TMEM272: variants seen among roughly 807,000 people sequenced by gnomAD.
TMEM272 encodes long intergenic non-protein coding RNA 282.
A neutral mutation model predicts 3.7 loss-of-function variants in TMEM272; 8 were observed. The ratio of observed to expected loss-of-function variants is 2.17; its 90% CI spans 1.27 to 3.91. The LOEUF (loss-of-function observed/expected upper bound fraction) is 3.91, where lower values mean the gene tolerates loss of function less well. TMEM272 is among the 30% of genes most tolerant of loss of function. The probability of loss-of-function intolerance (pLI) is 0.00; values close to 1 mark genes in which losing one functional copy is unlikely to be tolerated. For synonymous variants in TMEM272, 63 were observed against 39.8 expected, an observed-to-expected ratio of 1.58 and a Z score of -2.20; for missense variants, 166 against 91.5, an observed-to-expected ratio of 1.81 and a Z score of -3.32.
the TMEM272 span, among the ~76,000 whole-genome samples, chr13:51,927,544 G>A: frequency 2.6e-5 from 4 of 152,166 alleles, no homozygotes; most frequent in African/African-American, 4.8e-5. Context: ...TAAGGCAGGT[G>A]GGCTGAATGA....
At chr13:51,931,062 G>A in the TMEM272 span, among the ~76,000 whole-genome samples, 1 of 152,138 alleles carries the variant, frequency 6.6e-6, no homozygotes, top group African/African-American at 2.4e-5. Flanking sequence ...TTGGAATGCT[G>A]TGATTTATTC....
chr13:51,897,179 G>T, the TMEM272 span, among the ~76,000 whole-genome samples: 3 of 152,198 alleles, frequency 2.0e-5, no homozygotes, highest in African/African-American at 4.8e-5. Context: ...TGAAAGGACT[G>T]CAGGTAAACC....
chr13:51,846,958 C>G (rs994729567), upstream of TMEM272, among the ~76,000 whole-genome samples: 1 of 152,174 alleles, frequency 6.6e-6, no homozygotes. Flanking sequence ...CTTTCACATT[C>G]ACTAATCACT....
At chr13:51,824,385 T>C (rs1956105666) in intron 3 of TMEM272, among the ~76,000 whole-genome samples, 1 of 152,216 alleles carries the variant, frequency 6.6e-6, no homozygotes, top group African/African-American at 2.4e-5. Flanking sequence ...CAACAAAAAT[T>C]GCCATTTTAA....
upstream of TMEM272, among the ~76,000 whole-genome samples, chr13:51,849,279 C>G (rs556785173): frequency 6.6e-6 from 1 of 152,120 alleles, no homozygotes; most frequent in Admixed American, 6.5e-5. Flanking sequence ...ACTCCACTCA[C>G]GTGAGGCACA....
chr13:51,887,883 C>T, the TMEM272 span, among the ~76,000 whole-genome samples: 1 of 152,204 alleles, frequency 6.6e-6, no homozygotes, highest in Non-Finnish European at 1.5e-5. Flanking sequence ...TCCTGCTCTG[C>T]CTTATGCCTA....
chr13:51,831,228 C>G (rs976172748), intron 2 of TMEM272, among the ~76,000 whole-genome samples: 7 of 152,120 alleles, frequency 4.6e-5, no homozygotes, highest in Non-Finnish European at 1.0e-4. Flanking sequence ...TTGAAACCCA[C>G]CTGGGCAACA....
upstream of TMEM272, among the ~76,000 whole-genome samples, chr13:51,847,907 C>A (rs563851989): frequency 6.6e-6 from 1 of 152,214 alleles, no homozygotes; most frequent in South Asian, 2.1e-4. Context: ...CCACATGTCC[C>A]CAAACATGCA....
chr13:51,822,655 G>A (rs982209325), intron 3 of TMEM272, among the ~76,000 whole-genome samples: 4 of 152,158 alleles, frequency 2.6e-5, no homozygotes, highest in Non-Finnish European at 5.9e-5. Flanking sequence ...GCCCTCTGCC[G>A]TGTTAGTCAC....
the TMEM272 span, among the ~76,000 whole-genome samples, chr13:51,896,699 G>A: frequency 2.0e-5 from 3 of 152,150 alleles, no homozygotes; most frequent in South Asian, 2.1e-4. Context: ...TCCAGAACCC[G>A]GCTGAGTACT....
intron 4 of TMEM272, among the ~76,000 whole-genome samples, chr13:51,817,907 C>CT (rs1245671173): frequency 6.6e-6 from 1 of 152,210 alleles, no homozygotes; most frequent in Non-Finnish European, 1.5e-5. Flanking sequence ...CCACCCGACT[C>CT]TAACTGGCCA....
chr13:51,857,548 A>T, the TMEM272 span, among the ~76,000 whole-genome samples: 1 of 152,186 alleles, frequency 6.6e-6, no homozygotes, highest in Non-Finnish European at 1.5e-5. Context: ...TAGCATTATC[A>T]GAGAAACAGT....
the TMEM272 span, chr13:51,908,368 G>A: frequency 1.3e-6 from 2 of 1,499,986 alleles, no homozygotes; most frequent in Non-Finnish European, 9.3e-7. Flanking sequence ...CCCCTCGGTG[G>A]ACAGACATTT....
At chr13:51,868,738 G>A in the TMEM272 span, among the ~76,000 whole-genome samples, 54 of 152,212 alleles carry the variant, frequency 3.5e-4, no homozygotes, top group African/African-American at 1.2e-3. Flanking sequence ...TCCTGGCAGG[G>A]AGAAATGTCA....
intron 2 of TMEM272, among the ~76,000 whole-genome samples, chr13:51,836,155 G>T (rs1956214935): frequency 6.6e-6 from 1 of 152,210 alleles, no homozygotes; most frequent in African/African-American, 2.4e-5. Context: ...CAGAGTAAAT[G>T]AGTTCATGTC....
chr13:51,929,111 C>T, the TMEM272 span, among the ~76,000 whole-genome samples: 2 of 152,048 alleles, frequency 1.3e-5, no homozygotes, highest in African/African-American at 4.8e-5. Context: ...ACAGGAGAAT[C>T]GCTTGAACCT....
At chr13:51,899,197 T>C in the TMEM272 span, among the ~76,000 whole-genome samples, 1 of 152,268 alleles carries the variant, frequency 6.6e-6, no homozygotes, top group South Asian at 2.1e-4. Flanking sequence ...AAAAAATCGA[T>C]TGTATTTCTA....
chr13:51,817,843 G>A (rs1265135888), intron 4 of TMEM272, among the ~76,000 whole-genome samples: 1 of 152,158 alleles, frequency 6.6e-6, no homozygotes, highest in African/African-American at 2.4e-5. Flanking sequence ...CCTGACTCCA[G>A]CCTGACACGC....
the TMEM272 span, among the ~76,000 whole-genome samples, chr13:51,926,086 TGTG>T: frequency 6.6e-6 from 1 of 151,722 alleles, no homozygotes; most frequent in African/African-American, 2.4e-5. Flanking sequence ...TCTATGAGTG[TGTG>T]GTATGTGGTG....
Sources: gnomAD v4.1 joint callset for allele counts (sites outside exome capture counted in the v4.1 genomes callset) on GRCh38, gnomAD v4.1.1 for gene constraint, MANE v1.5 for transcripts, NCBI Gene and HGNC (gene_info 2026-07-23, HGNC 2026-07-21) for gene names.